TMEM184B: variants seen among roughly 807,000 people sequenced by gnomAD.
TMEM184B encodes transmembrane protein 184B, also known as putative MAPK-activating protein FM08.
In TMEM184B, 17 loss-of-function variants were observed where a neutral mutation model predicts 41.8. The ratio of observed to expected loss-of-function variants is 0.41; its 90% CI spans 0.28 to 0.61. The LOEUF (loss-of-function observed/expected upper bound fraction) is 0.61, where lower values mean the gene tolerates loss of function less well. TMEM184B is among the 20% of genes least tolerant of loss of function. The probability of loss-of-function intolerance (pLI) is 0.34; values close to 1 mark genes in which losing one functional copy is unlikely to be tolerated. For synonymous variants in TMEM184B, 240 were observed against 229.5 expected, an observed-to-expected ratio of 1.05 and a Z score of -0.41; for missense variants, 393 against 557.8, an observed-to-expected ratio of 0.70 and a Z score of 2.98.
chr22:38,271,874 CACTGT>C (rs2092529046), intron 1 of TMEM184B, among the ~76,000 whole-genome samples: 1 of 152,186 alleles, frequency 6.6e-6, no homozygotes, highest in African/African-American at 2.4e-5. Flanking sequence ...TGGAAAGGGA[CACTGT>C]AGGCATAACC....
intron 1 of TMEM184B, among the ~76,000 whole-genome samples, chr22:38,253,058 C>T (rs1203906434): frequency 6.6e-6 from 1 of 152,116 alleles, no homozygotes; most frequent in Non-Finnish European, 1.5e-5. Context: ...AGGAGAATGG[C>T]GTGAACCCGG....
intron 1 of TMEM184B, 170 bp downstream of exon 1, chr22:38,272,713 GC>G: frequency 1.0e-6 from 1 of 985,344 alleles, no homozygotes; most frequent in Non-Finnish European, 1.2e-6. Flanking sequence ...GGAGACGGAT[GC>G]CCCCTCCCTC....
intron 3 of TMEM184B, among the ~76,000 whole-genome samples, chr22:38,236,126 T>G (rs1307837295): frequency 1.3e-5 from 2 of 152,204 alleles, no homozygotes; most frequent in African/African-American, 4.8e-5. Context: ...GTGTCTTCTC[T>G]GGAGGGTTTT....
chr22:38,253,453 C>G (rs1049723569), intron 1 of TMEM184B, among the ~76,000 whole-genome samples: 4 of 151,874 alleles, frequency 2.6e-5, no homozygotes, highest in African/African-American at 9.7e-5. Flanking sequence ...GCCTGTAATC[C>G]CCAGCTACTT....
chr22:38,265,071 C>A (rs796722816), intron 1 of TMEM184B, among the ~76,000 whole-genome samples: 4 of 152,204 alleles, frequency 2.6e-5, no homozygotes, highest in African/African-American at 9.7e-5. Flanking sequence ...ATTGACAAAT[C>A]TGTGTATAGA....
rs561049473 is a variant in TMEM184B at position 38,226,968 on chromosome 22, C to G, written c.526-98G>C. The stretch of plus-strand genomic sequence containing the variant: ...GACGGAACTGTACCGGATGGAGGGA[C>G]AGAGAGGATGAAGGAGACGGAGAGG... On this transcript the variant is annotated intron_variant, in intron 5 of 8. Transcript: ENST00000361906. This position sits in a 1 kb window ranked among gnomAD's most constrained non-coding sequence, Gnocchi z 4.6. 3.0e-5 allele frequency: 38 copies of G among 1,255,154 alleles called. No individual in the cohort carries two copies. In the East Asian group the frequency reaches 9.7e-4, roughly 32 times the overall value. The allele number at this position is 1,255,154 out of a possible 1,614,324, so 77.8% of individuals were successfully genotyped here. A position where few individuals can be genotyped will look rare whatever the true frequency, so the allele number is the denominator to read the frequency against.
intron 1 of TMEM184B, among the ~76,000 whole-genome samples, chr22:38,256,509 G>T (rs960743034): frequency 1.3e-5 from 2 of 151,930 alleles, no homozygotes; most frequent in African/African-American, 4.8e-5. Context: ...GATTACAGGC[G>T]TGAGCCACCA....
rs34076108 is a variant in TMEM184B at position 38,256,216 on chromosome 22, C to CTT, written c.-58-8199_-58-8198dup. On this transcript the variant is annotated intron_variant, in intron 1 of 8. Transcript: ENST00000361906. The stretch of plus-strand genomic sequence containing the variant: ...AAATACAAAAATTAGCCCAGGGGAC[C>CTT]TTTTTTTTTTTTTGGATTTGGAGTC... Among the ~76,000 whole-genome samples, 344 of 144,480 alleles carry CTT rather than the reference C, an allele frequency of 2.4e-3. 5 individuals carry two copies. The South Asian group carries it at 0.028, about 12-fold the overall frequency. 94.8% of individuals were successfully genotyped at this position (144,480 alleles called of 152,430 possible).
chr22:38,234,905 G>C (rs1209195079), intron 3 of TMEM184B, among the ~76,000 whole-genome samples: 1 of 152,324 alleles, frequency 6.6e-6, no homozygotes, highest in South Asian at 2.1e-4. Flanking sequence ...CTCCTCATCT[G>C]TAAGCGGGAT....
intron 3 of TMEM184B, 48 bp downstream of exon 3, chr22:38,245,887 A>AG: frequency 1.8e-6 from 1 of 545,590 alleles, no homozygotes; most frequent in Admixed American, 2.4e-5. Flanking sequence ...AGGGGCTCCC[A>AG]GCCCCCCAGC....
chr22:38,230,181 C>T (rs949640881), intron 5 of TMEM184B, among the ~76,000 whole-genome samples: 3 of 145,972 alleles, frequency 2.1e-5, no homozygotes, highest in Admixed American at 6.7e-5. Context: ...GCTAGAGCGG[C>T]TGGACTGCCA....
In TMEM184B at chr22:38,239,624, CT is replaced by C. The variant is rs2091859878; in HGVS notation, c.358+6310del. On this transcript the variant is annotated intron_variant, in intron 3 of 8. Transcript: ENST00000361906. The surrounding 1 kb of genome is among the most constrained non-coding windows in gnomAD (Gnocchi z 4.6). ...GGTTAAAAGTCTCCACGTGGAGCCA[CT>C]GCATTACAAGTTTCAACAGAGGCTG... The C allele has an allele frequency of 1.3e-5, 2 of 152,192 alleles. No homozygotes were observed. The highest frequency in any genetic ancestry group is 4.8e-5 in the African/African-American group (2 of 41,432). The allele number at this position is 152,192 out of a possible 1,614,324, so 9.4% of individuals were successfully genotyped here. A position where few individuals can be genotyped will look rare whatever the true frequency, so the allele number is the denominator to read the frequency against.
At chr22:38,254,310 C>CA in intron 1 of TMEM184B, among the ~76,000 whole-genome samples, 1 of 151,756 alleles carries the variant, frequency 6.6e-6, no homozygotes, top group South Asian at 2.1e-4. Flanking sequence ...AGATACACAG[C>CA]AAATAAGTAC....
chr22:38,240,971 CTCTT>C (rs2091892834), intron 3 of TMEM184B, among the ~76,000 whole-genome samples: 1 of 152,234 alleles, frequency 6.6e-6, no homozygotes, highest in Non-Finnish European at 1.5e-5. Context: ...CCCATGCACT[CTCTT>C]TCTCAGGAAG....
chr22:38,226,741 ACTC>A lies in TMEM184B; in HGVS notation c.617+35_617+37del. Reference sequence around the variant, plus strand: ...AGCCAAGGCACCAGCCTGCGCCAACACTCCTCCCACACACCCCGGGGAGCACCC... The same window carrying A: ...AGCCAAGGCACCAGCCTGCGCCAACACTCCCACACACCCCGGGGAGCACCC... On this transcript the variant is annotated intron_variant, in intron 6 of 8. Transcript: ENST00000361906. The surrounding 1 kb of genome is among the most constrained non-coding windows in gnomAD (Gnocchi z 4.6). 6 of 1,555,142 alleles carry A rather than the reference ACTC, an allele frequency of 3.9e-6. No individual in the cohort carries two copies. The highest frequency in any genetic ancestry group is 5.2e-6 in the Non-Finnish European group (6 of 1,147,568).
chr22:38,236,252 T>A (rs944897494), intron 3 of TMEM184B, among the ~76,000 whole-genome samples: 5 of 152,106 alleles, frequency 3.3e-5, no homozygotes, highest in African/African-American at 1.2e-4. Flanking sequence ...TCTGGAACTT[T>A]CTGCTCCATT....
In TMEM184B at chr22:38,272,989, C is replaced by G. The variant is rs2092549043; in HGVS notation, c.-164G>C. ...GCCCCGGAGTCTCCGCCGCCGCCGGCGCGTCCCGGGCCCAGTGGAGTGCAG... is the reference window on the plus strand; with the variant it reads ...GCCCCGGAGTCTCCGCCGCCGCCGGGGCGTCCCGGGCCCAGTGGAGTGCAG... On this transcript the variant is annotated 5_prime_UTR_variant, in exon 1 of 9. Coordinates refer to ENST00000361906, the MANE Select transcript of TMEM184B (RefSeq NM_012264.5). 1 of 205,466 alleles carries G rather than the reference C, an allele frequency of 4.9e-6. No individual in the cohort carries two copies. Among genetic ancestry groups the G allele is most frequent in the Non-Finnish European group, 8.5e-6 (1 of 117,772 alleles). 12.7% of individuals were successfully genotyped at this position (205,466 alleles called of 1,614,324 possible).
chr22:38,226,745 C>G lies in TMEM184B; in HGVS notation c.617+34G>C, dbSNP rs2091451357. The G allele has an allele frequency of 3.2e-6, 5 of 1,561,058 alleles. No individual in the cohort carries two copies. In the Admixed American group the frequency reaches 5.7e-5, roughly 18 times the overall value. On this transcript the variant is annotated intron_variant, in intron 6 of 8. Coordinates refer to ENST00000361906, the MANE Select transcript of TMEM184B (RefSeq NM_012264.5). The surrounding 1 kb of genome is among the most constrained non-coding windows in gnomAD (Gnocchi z 4.6). ...AAGGCACCAGCCTGCGCCAACACTC[C>G]TCCCACACACCCCGGGGAGCACCCG...
intron 3 of TMEM184B, 52 bp downstream of exon 3, chr22:38,245,883 T>TACCC: frequency 1.1e-5 from 14 of 1,288,704 alleles, no homozygotes; most frequent in Middle Eastern, 2.7e-4. Flanking sequence ...GGACAGGGGC[T>TACCC]CCCAGCCCCC....
Sources: gnomAD v4.1 joint callset for allele counts (sites outside exome capture counted in the v4.1 genomes callset) on GRCh38, gnomAD v4.1.1 for gene constraint, Gnocchi (gnomAD v3.1) non-coding constraint, MANE v1.5 for transcripts, NCBI Gene and HGNC (gene_info 2026-07-23, HGNC 2026-07-21) for gene names.